The following ROCK2 variants were observed in gnomAD, a reference collection of about 807,000 sequenced individuals.
The protein encoded by ROCK2 is rho-associated protein kinase 2.
A neutral mutation model predicts 195.1 loss-of-function variants in ROCK2; 61 were observed. That is an observed-to-expected ratio of 0.31 (90% CI 0.25 to 0.39). ROCK2 has a LOEUF of 0.39. Among genes scored for constraint, ROCK2 ranks in the 10% least tolerant of loss-of-function variants. ROCK2 has a pLI of 1.00. For synonymous variants in ROCK2, 504 were observed against 545.5 expected (o/e 0.92, Z 1.06); for missense variants, 1,109 against 1,637.4 (o/e 0.68, Z 5.57).
intron 3 of ROCK2, among the ~76,000 whole-genome samples, chr2:11,252,853 T>C (rs544730036): frequency 1.3e-5 from 2 of 151,924 alleles, no homozygotes; most frequent in South Asian, 4.2e-4. Flanking sequence ...AGATGACAGG[T>C]TGATGGGTGC....
chr2:11,281,729 G>T (rs761088909), intron 3 of ROCK2, among the ~76,000 whole-genome samples: 1 of 152,072 alleles, frequency 6.6e-6, no homozygotes, highest in Non-Finnish European at 1.5e-5. Context: ...AGTGGAATTT[G>T]AAATTAAAAA....
intron 1 of ROCK2, among the ~76,000 whole-genome samples, chr2:11,343,123 T>C (rs1052416103): frequency 1.1e-4 from 17 of 152,034 alleles, no homozygotes; most frequent in African/African-American, 4.1e-4. Context: ...TCACCTTTCT[T>C]CCCCTCCCCA....
In ROCK2 at chr2:11,214,217, A is replaced by C; in HGVS notation, c.2043+140T>G. On this transcript the variant is annotated intron_variant, in intron 17 of 32. Transcript: ENST00000315872. ...AAGCCTGCAGATACATCTCTTATCT[A>C]CACATCAAGTCCAAATCAAAAGGAA... The C allele has an allele frequency of 6.8e-6, 4 of 591,052 alleles. No homozygotes were observed. The South Asian group carries it at 8.2e-5, about 12-fold the overall frequency. The allele number at this position is 591,052 out of a possible 1,614,324, so 36.6% of individuals were successfully genotyped here. A position where few individuals can be genotyped will look rare whatever the true frequency, so the allele number is the denominator to read the frequency against.
chr2:11,187,714 T>A (rs1477688958), intron 32 of ROCK2, among the ~76,000 whole-genome samples: 1 of 152,228 alleles, frequency 6.6e-6, no homozygotes, highest in East Asian at 1.9e-4. Context: ...AAGGCTTTAC[T>A]TTTGGGGTAG....
rs73915106 is a variant in ROCK2 at position 11,230,032 on chromosome 2, T to A, written c.724-2634A>T. Among the ~76,000 whole-genome samples the A allele has an allele frequency of 2.6e-5, 4 of 152,214 alleles. 1 individual carries two copies. In the South Asian group the frequency reaches 8.3e-4, roughly 32 times the overall value. On this transcript the variant is annotated intron_variant, in intron 5 of 32. Transcript: ENST00000315872. Reference sequence around the variant, plus strand: ...TTTTAATATGCTATATATACAGACATATTCAGAATTAAATATAAACATGTG... The same window carrying A: ...TTTTAATATGCTATATATACAGACAAATTCAGAATTAAATATAAACATGTG...
chr2:11,237,428 A>T (rs2148108444), intron 4 of ROCK2, among the ~76,000 whole-genome samples: 1 of 152,350 alleles, frequency 6.6e-6, no homozygotes, highest in East Asian at 1.9e-4. Flanking sequence ...ACTAGAACAA[A>T]GGAATAGTAA....
chr2:11,295,988 GAGGAGAGAGAGAGAGAGGAGAGA>G lies in ROCK2; in HGVS notation c.142-8275_142-8253del, dbSNP rs1558369610. On this transcript the variant is annotated intron_variant, in intron 1 of 32. Coordinates refer to ENST00000315872, the MANE Select transcript of ROCK2 (RefSeq NM_004850.5). ...CAAAAGAGAGAGAGAGAGAGAGAGA[GAGGAGAGAGAGAGAGAGGAGAGA>G]GAGAGAGAGAGAGAGAGAGAGAGAG... 1.1e-4 allele frequency among the ~76,000 whole-genome samples: 5 copies of G among 43,750 alleles called. No homozygotes were observed. The East Asian group carries it at 2.0e-3, about 17-fold the overall frequency. The allele number at this position is 43,750 out of a possible 152,430, so 28.7% of individuals were successfully genotyped here.
In ROCK2 at chr2:11,324,450, C is replaced by CA. The variant is rs1320363289; in HGVS notation, c.141+19545dup. On this transcript the variant is annotated intron_variant, in intron 1 of 32. Coordinates refer to ENST00000315872, the MANE Select transcript of ROCK2 (RefSeq NM_004850.5). ...AAAAACAAAACAAAACAAAACAAAA[C>CA]AAACTTATGTTCACACAAAAACCTG... Among the ~76,000 whole-genome samples the CA allele has an allele frequency of 2.6e-5, 4 of 151,926 alleles. No homozygotes were observed. In the East Asian group the frequency reaches 5.8e-4, roughly 22 times the overall value.
At position 11,320,099 on chromosome 2, in the gene ROCK2, T is replaced by C. The variant is rs766184074; in HGVS notation, c.141+23897A>G. On this transcript the variant is annotated intron_variant, in intron 1 of 32. Coordinates refer to ENST00000315872, the MANE Select transcript of ROCK2 (RefSeq NM_004850.5). ...TTAAAAGGCAATGGCAAGAAAAGGA[T>C]ACATTCACTCCCTATAAGGACTCTT... Among the ~76,000 whole-genome samples the C allele has an allele frequency of 1.9e-4, 29 of 152,272 alleles. 1 individual carries two copies. Among genetic ancestry groups the C allele is most frequent in the Middle Eastern group, 6.8e-3 (2 of 294 alleles).
At chr2:11,267,979 T>G (rs1337323842) in intron 3 of ROCK2, among the ~76,000 whole-genome samples, 2 of 151,816 alleles carry the variant, frequency 1.3e-5, no homozygotes, top group Admixed American at 6.6e-5. Flanking sequence ...GCAACAGGTT[T>G]CTGGTTCCAC....
At chr2:11,184,722 A>T (rs753462462) in intron 32 of ROCK2, 12 of 984,112 alleles carry the variant, frequency 1.2e-5, no homozygotes, top group Non-Finnish European at 1.3e-5. Flanking sequence ...ACCACCATCA[A>T]CATCATCAAA....
intron 3 of ROCK2, among the ~76,000 whole-genome samples, chr2:11,260,830 G>C (rs1363823511): frequency 6.6e-6 from 1 of 152,138 alleles, no homozygotes; most frequent in African/African-American, 2.4e-5. Flanking sequence ...AATCACACAA[G>C]ATAGGCATAA....
At chr2:11,308,756 T>C in intron 1 of ROCK2, 13 of 1,612,846 alleles carry the variant, frequency 8.1e-6, no homozygotes, top group South Asian at 1.1e-5. Context: ...ATTCAAACAC[T>C]ACAAGCCTAA....
intron 4 of ROCK2, among the ~76,000 whole-genome samples, chr2:11,242,246 C>G (rs1181778832): frequency 2.6e-5 from 4 of 152,146 alleles, no homozygotes; most frequent in African/African-American, 9.7e-5. Flanking sequence ...ACAATATCTT[C>G]ATGCTCTCAA....
chr2:11,184,668 C>T, intron 32 of ROCK2: 3 of 984,770 alleles, frequency 3.0e-6, no homozygotes, highest in Non-Finnish European at 3.6e-6. Flanking sequence ...TGATTTACCC[C>T]ATTTATTTCT....
chr2:11,234,044 T>C (rs964216192), intron 5 of ROCK2: 2 of 152,192 alleles, frequency 1.3e-5, no homozygotes, highest in Non-Finnish European at 2.9e-5. Context: ...AAGATTAGCA[T>C]GGCCGCTGCA....
chr2:11,298,826 C>T (rs1667617441), intron 1 of ROCK2, among the ~76,000 whole-genome samples: 1 of 152,046 alleles, frequency 6.6e-6, no homozygotes, highest in Non-Finnish European at 1.5e-5. Flanking sequence ...GGAGAGCTGC[C>T]CTGCTGGAGA....
Position 11,215,481 on chromosome 2 carries a change from A to T in ROCK2, c.1597+29T>A, listed in dbSNP as rs140912203. 3.2e-4 allele frequency: 519 copies of T among 1,607,124 alleles called. 3 individuals carry two copies. The African/African-American group carries it at 6.4e-3, about 20-fold the overall frequency. On this transcript the variant is annotated intron_variant, in intron 14 of 32. Coordinates refer to ENST00000315872, the MANE Select transcript of ROCK2 (RefSeq NM_004850.5). ...ATACACACACTTAATTTTTTTCTTG[A>T]TGAGTAATTAATATTCTACACCACA...
chr2:11,221,097 AAATT>A (rs1445963828), intron 9 of ROCK2, 97 bp downstream of exon 9: 1 of 843,302 alleles, frequency 1.2e-6, no homozygotes, highest in Non-Finnish European at 1.7e-6. Flanking sequence ...TGGAAAAAAC[AAATT>A]AATACTTTAT....
Sources: allele counts gnomAD v4.1 joint callset (sites outside exome capture counted in the v4.1 genomes callset), GRCh38; gene constraint gnomAD v4.1.1; transcripts MANE v1.5; gene names NCBI Gene and HGNC (gene_info 2026-07-23, HGNC 2026-07-21).